EEF2K: variants seen among roughly 807,000 people sequenced by gnomAD.
EEF2K encodes eukaryotic elongation factor 2 kinase.
EEF2K carries 70 observed loss-of-function variants against 93.8 expected under a neutral mutation model. That is an observed-to-expected ratio of 0.75 (90% confidence interval 0.62 to 0.91). The LOEUF (loss-of-function observed/expected upper bound fraction) is 0.91. Among genes scored for constraint, EEF2K ranks in the 40% least tolerant of loss-of-function variants. The pLI is 0.00. For synonymous variants in EEF2K, 376 were observed against 380.8 expected (o/e 0.99, Z 0.15); for missense variants, 935 against 972.9 (o/e 0.96, Z 0.52).
At chr16:22,209,384 G>T (rs1166185851) in intron 1 of EEF2K, among the ~76,000 whole-genome samples, 2 of 152,108 alleles carry the variant, frequency 1.3e-5, no homozygotes, top group African/African-American at 4.8e-5. Context: ...AAGCAGTCTT[G>T]TCCAGTTTTT....
intron 16 of EEF2K, among the ~76,000 whole-genome samples, chr16:22,279,264 G>T (rs2047670682): frequency 1.4e-5 from 2 of 142,658 alleles, no homozygotes; most frequent in Non-Finnish European, 1.5e-5. Context: ...TTAACACAGG[G>T]TTATACTCTA....
At chr16:22,272,471 A>G (rs2047592134) in intron 15 of EEF2K, among the ~76,000 whole-genome samples, 1 of 152,218 alleles carries the variant, frequency 6.6e-6, no homozygotes, top group Non-Finnish European at 1.5e-5. Flanking sequence ...AAATGTCCAG[A>G]TCCAGAATAG....
rs1042483602 is a variant in EEF2K at position 22,247,879 on chromosome 16, G to A, written c.348-876G>A. On this transcript the variant is annotated intron_variant, in intron 3 of 17. Coordinates refer to ENST00000263026, the MANE Select transcript of EEF2K (RefSeq NM_013302.5). ...GGGACCCTTACCCTCCACTGTGTGC[G>A]GCTGTTACTTCTCGGGAGATGTGCC... 5.9e-5 allele frequency among the ~76,000 whole-genome samples: 9 copies of A among 152,008 alleles called. No individual in the cohort carries two copies. The East Asian group carries it at 1.3e-3, about 23-fold the overall frequency.
chr16:22,257,172 G>C lies in EEF2K; in HGVS notation c.769-81G>C, dbSNP rs1156827370. The C allele has an allele frequency of 1.9e-6, 3 of 1,592,758 alleles. No individual in the cohort carries two copies. The African/African-American group carries it at 4.1e-5, about 22-fold the overall frequency. The stretch of plus-strand genomic sequence containing the variant: ...AACTCCTTGAAGAGAAAGCCCCTCA[G>C]CATGGGCAGAGGCGTGGCCAGTGCC... On this transcript the variant is annotated intron_variant, in intron 7 of 17. Coordinates refer to ENST00000263026, the MANE Select transcript of EEF2K (RefSeq NM_013302.5).
intron 3 of EEF2K, among the ~76,000 whole-genome samples, chr16:22,247,930 C>A (rs2047311641): frequency 6.6e-6 from 1 of 152,128 alleles, no homozygotes; most frequent in African/African-American, 2.4e-5. Flanking sequence ...ATCGAGGGCA[C>A]CACCACCACC....
Position 22,287,141 on chromosome 16 carries a change from A to C in EEF2K, c.*3145A>C, listed in dbSNP as rs1043321494. The stretch of plus-strand genomic sequence containing the variant: ...TTTGGGAGGCTGAGGTGGGCGGATC[A>C]CCTGAAGTCAGCTACTCGGGAGGCT... On this transcript the variant is annotated 3_prime_UTR_variant, in exon 18 of 18. Coordinates refer to ENST00000263026, the MANE Select transcript of EEF2K (RefSeq NM_013302.5). The C allele has an allele frequency of 6.6e-6, 1 of 152,318 alleles. No individual in the cohort carries two copies. The highest frequency in any genetic ancestry group is 1.5e-5 in the Non-Finnish European group (1 of 68,176). 9.4% of individuals were successfully genotyped at this position (152,318 alleles called of 1,614,324 possible).
In EEF2K at chr16:22,260,108, G is replaced by A. The variant is rs530075278; in HGVS notation, c.1232-354G>A. On this transcript the variant is annotated intron_variant, in intron 10 of 17. Transcript: ENST00000263026. ...CTTCTTGAGCCCCAAATGTATAAAC[G>A]TCTGTTCTTCCTTCACAACTGCATT... 1.3e-4 allele frequency among the ~76,000 whole-genome samples: 20 copies of A among 152,260 alleles called. No homozygotes were observed. In the South Asian group the frequency reaches 1.7e-3, roughly 13 times the overall value.
At chr16:22,227,140 G>A (rs563242002) in intron 2 of EEF2K, among the ~76,000 whole-genome samples, 5 of 152,052 alleles carry the variant, frequency 3.3e-5, no homozygotes, top group African/African-American at 7.2e-5. Flanking sequence ...TGGAAGTTGC[G>A]GTGAACTGAG....
At chr16:22,232,456 C>T (rs1397156189) in intron 2 of EEF2K, among the ~76,000 whole-genome samples, 2 of 152,102 alleles carry the variant, frequency 1.3e-5, no homozygotes, top group Non-Finnish European at 2.9e-5. Context: ...TCTTGAACTC[C>T]TGGCCTCAAG....
chr16:22,266,906 G>T lies in EEF2K; in HGVS notation c.1764+30G>T. ...GCAGGTGGCGGGGACCCAGCTGCAG[G>T]TGGGGGTGGGACTTGGTCACCCTGT... On this transcript the variant is annotated intron_variant, in intron 15 of 17. Coordinates refer to ENST00000263026, the MANE Select transcript of EEF2K (RefSeq NM_013302.5). 4 of 1,577,604 alleles carry T rather than the reference G, an allele frequency of 2.5e-6. 1 individual carries two copies. The South Asian group carries it at 3.5e-5, about 14-fold the overall frequency.
intron 6 of EEF2K, among the ~76,000 whole-genome samples, chr16:22,255,571 G>A (rs1306346471): frequency 1.3e-5 from 2 of 152,188 alleles, no homozygotes; most frequent in Non-Finnish European, 2.9e-5. Context: ...GTCATCCCTA[G>A]TGGGTGGCTG....
rs374350026 is a variant in EEF2K, at chr16:22,215,403, TG to T, written c.-77+8725del. 3.6e-3 allele frequency among the ~76,000 whole-genome samples: 544 copies of T among 152,290 alleles called. 4 individuals are homozygous for T. The highest frequency in any genetic ancestry group is 0.012 in the African/African-American group (501 of 41,562). On this transcript the variant is annotated intron_variant, in intron 1 of 17. Coordinates refer to ENST00000263026, the MANE Select transcript of EEF2K (RefSeq NM_013302.5). ...GGAGAGTTTGGTGGTGCATGGAGATTGATTCTTGGACTTGGAAACTTGGGAA... is the reference window on the plus strand; with the variant it reads ...GGAGAGTTTGGTGGTGCATGGAGATTATTCTTGGACTTGGAAACTTGGGAA...
intron 2 of EEF2K, among the ~76,000 whole-genome samples, chr16:22,233,045 C>T (rs1407533810): frequency 6.6e-6 from 1 of 152,196 alleles, no homozygotes; most frequent in African/African-American, 2.4e-5. Flanking sequence ...CCCGTGGAGA[C>T]GTGGCAGAAC....
intron 3 of EEF2K, among the ~76,000 whole-genome samples, chr16:22,246,767 C>A (rs1401233798): frequency 6.6e-6 from 1 of 151,108 alleles, no homozygotes; most frequent in Non-Finnish European, 1.5e-5. Flanking sequence ...TGGCCGGGTG[C>A]GATGGCTCAC....
intron 15 of EEF2K, among the ~76,000 whole-genome samples, chr16:22,271,382 A>C (rs1451179579): frequency 6.6e-6 from 1 of 151,974 alleles, no homozygotes; most frequent in African/African-American, 2.4e-5. Context: ...AATATATTAA[A>C]TTTTGCTAAT....
chr16:22,247,839 T>A (rs2047310584), intron 3 of EEF2K, among the ~76,000 whole-genome samples: 1 of 152,060 alleles, frequency 6.6e-6, no homozygotes, highest in Non-Finnish European at 1.5e-5. Context: ...CCTTCTCCTG[T>A]CTAGACTCAG....
intron 4 of EEF2K, among the ~76,000 whole-genome samples, chr16:22,249,394 C>T (rs2047327190): frequency 6.6e-6 from 1 of 151,632 alleles, no homozygotes; most frequent in Admixed American, 6.6e-5. Context: ...GTGTAATATA[C>T]AATATACACA....
intron 3 of EEF2K, among the ~76,000 whole-genome samples, chr16:22,248,331 G>A (rs1339224501): frequency 6.6e-6 from 1 of 152,182 alleles, no homozygotes; most frequent in African/African-American, 2.4e-5. Context: ...CCAAAGTGCT[G>A]GGATTACGGG....
intron 2 of EEF2K, among the ~76,000 whole-genome samples, chr16:22,240,491 G>T (rs1289466903): frequency 6.6e-6 from 1 of 152,144 alleles, no homozygotes; most frequent in Non-Finnish European, 1.5e-5. Context: ...CTGAGATCTT[G>T]CACAAGCGCC....
Sources: gnomAD v4.1 joint callset for allele counts (sites outside exome capture counted in the v4.1 genomes callset) on GRCh38, gnomAD v4.1.1 for gene constraint, MANE v1.5 for transcripts, NCBI Gene and HGNC (gene_info 2026-07-23, HGNC 2026-07-21) for gene names.